The following DNAJC16 variants were observed in gnomAD, a reference collection of about 807,000 sequenced individuals.
DNAJC16 encodes dnaJ homolog subfamily C member 16.
Under a neutral mutation model 92.7 loss-of-function variants are expected in DNAJC16, and 76 were observed. The observed-to-expected ratio is 0.82, with a 90% CI of 0.68 to 0.99. The LOEUF (loss-of-function observed/expected upper bound fraction) is 0.99, where lower values mean the gene tolerates loss of function less well. DNAJC16 is among the 50% of genes least tolerant of loss of function. The pLI is 0.00. For synonymous variants in DNAJC16, 328 were observed against 358.7 expected (o/e 0.91, Z 0.97); for missense variants, 869 against 942.4 (o/e 0.92, Z 1.02).
At chr1:15,533,572 G>A (rs747884637) in intron 2 of DNAJC16, among the ~76,000 whole-genome samples, 1 of 152,122 alleles carries the variant, frequency 6.6e-6, no homozygotes, top group Non-Finnish European at 1.5e-5. Context: ...AGGTTGCAGT[G>A]CGCCAAGATT....
At chr1:15,565,463 T>G (rs1638786769) in intron 11 of DNAJC16, 1 of 178,854 alleles carries the variant, frequency 5.6e-6, no homozygotes, top group African/African-American at 2.4e-5. Flanking sequence ...GGTAGGTACA[T>G]AAAATTTCAG....
chr1:15,543,208 T>C (rs1307263166), intron 4 of DNAJC16, among the ~76,000 whole-genome samples: 11 of 152,158 alleles, frequency 7.2e-5, no homozygotes, highest in Admixed American at 7.2e-4. Context: ...CCTTAGAAGA[T>C]GGTAAACGCT....
At chr1:15,566,440 G>A (rs1638809395) in intron 13 of DNAJC16, 3 of 470,568 alleles carry the variant, frequency 6.4e-6, no homozygotes, top group Non-Finnish European at 7.6e-6. Flanking sequence ...GAAGCAGGAC[G>A]TGGTTTATCC....
chr1:15,533,338 G>A (rs757479212), intron 2 of DNAJC16, among the ~76,000 whole-genome samples: 6 of 152,148 alleles, frequency 3.9e-5, no homozygotes, highest in Non-Finnish European at 7.3e-5. Context: ...TAAACATGTG[G>A]CATTGAGGCC....
intron 2 of DNAJC16, among the ~76,000 whole-genome samples, chr1:15,529,808 C>CA (rs1433215010): frequency 6.6e-6 from 1 of 151,868 alleles, no homozygotes; most frequent in African/African-American, 2.4e-5. Context: ...CCAGAAATAC[C>CA]AAAGTCATTG....
At chr1:15,534,102 T>C in intron 2 of DNAJC16, 135 bp from the exon 3 acceptor site, 1 of 773,480 alleles carries the variant, frequency 1.3e-6, no homozygotes, top group East Asian at 2.8e-5. Flanking sequence ...ATTGCCTCTA[T>C]CATTTATTTT....
intron 7 of DNAJC16, among the ~76,000 whole-genome samples, chr1:15,553,779 C>T (rs112928969): frequency 2.6e-5 from 4 of 152,138 alleles, no homozygotes; most frequent in African/African-American, 4.8e-5. Context: ...AGCATAGATT[C>T]GTCTTTGCAT....
At chr1:15,547,320 C>G (rs7549087) in intron 6 of DNAJC16, among the ~76,000 whole-genome samples, 97,792 of 151,666 alleles carry the variant, frequency 0.64, 33,026 homozygotes, top group African/African-American at 0.85. Flanking sequence ...GCTAACGTTT[C>G]TATTTTTAGT....
chr1:15,567,437 T>C (rs556853026), intron 14 of DNAJC16, among the ~76,000 whole-genome samples, 168 bp downstream of exon 14: 1 of 152,332 alleles, frequency 6.6e-6, no homozygotes, highest in South Asian at 2.1e-4. Flanking sequence ...CAGGGACCTC[T>C]TTTCCCACTT....
In DNAJC16 at chr1:15,569,324, T is replaced by G. The variant is rs1638893734; in HGVS notation, c.*1147T>G. 6.6e-6 allele frequency: 1 copy of G among 152,214 alleles called. No homozygotes were observed. The highest frequency in any genetic ancestry group is 2.4e-5 in the African/African-American group (1 of 41,456). 9.4% of individuals were successfully genotyped at this position (152,214 alleles called of 1,614,324 possible). ...TTTTGCAAAAGGCTTACTTTCCACTTCTGGGCTGTATTTTGATGTCTCATC... is the reference window on the plus strand; with the variant it reads ...TTTTGCAAAAGGCTTACTTTCCACTGCTGGGCTGTATTTTGATGTCTCATC... On this transcript the variant is annotated 3_prime_UTR_variant, in exon 15 of 15. Transcript: ENST00000375847.
intron 7 of DNAJC16, among the ~76,000 whole-genome samples, chr1:15,550,733 A>G (rs1638424384): frequency 6.6e-6 from 1 of 152,242 alleles, no homozygotes; most frequent in Non-Finnish European, 1.5e-5. Flanking sequence ...CACTGATAGT[A>G]CCAAAGCAGT....
chr1:15,555,753 C>T (rs1280187515), intron 7 of DNAJC16, among the ~76,000 whole-genome samples: 7 of 149,192 alleles, frequency 4.7e-5, no homozygotes, highest in Non-Finnish European at 1.0e-4. Flanking sequence ...TTTGGGAGGC[C>T]AAGTCGGGTG....
chr1:15,568,692 A>C lies in DNAJC16; in HGVS notation c.*515A>C, dbSNP rs896495018. ...CTGGAAAAAGGCCCCTTTCCAAGCA[A>C]TCTCACGTTTACTGGTTGTTCTGGG... On this transcript the variant is annotated 3_prime_UTR_variant, in exon 15 of 15. Transcript: ENST00000375847. 3 of 399,230 alleles carry C rather than the reference A, an allele frequency of 7.5e-6. No individual in the cohort carries two copies. The highest frequency in any genetic ancestry group is 8.8e-6 in the Non-Finnish European group (2 of 226,532). The allele number at this position is 399,230 out of a possible 1,614,324, so 24.7% of individuals were successfully genotyped here.
At chr1:15,534,426 T>G in intron 3 of DNAJC16, 123 bp downstream of exon 3, 1 of 998,120 alleles carries the variant, frequency 1.0e-6, no homozygotes, top group Non-Finnish European at 1.5e-6. Context: ...GTTTCTAGAT[T>G]ATAATAGAGA....
chr1:15,537,738 A>G (rs111838830), intron 4 of DNAJC16, among the ~76,000 whole-genome samples: 1,746 of 152,280 alleles, frequency 0.011, 39 homozygotes, highest in African/African-American at 0.039. Flanking sequence ...AGGAGAGACT[A>G]TTATTATCTC....
At chr1:15,553,740 C>T (rs962815290) in intron 7 of DNAJC16, among the ~76,000 whole-genome samples, 1 of 152,146 alleles carries the variant, frequency 6.6e-6, no homozygotes, top group Non-Finnish European at 1.5e-5. Context: ...ACCTCCTTCC[C>T]AAAGGTCAGC....
In DNAJC16 at chr1:15,559,617, A is replaced by G. The variant is rs746127431; in HGVS notation, c.1115A>G (p.His372Arg). 8.1e-6 allele frequency: 13 copies of G among 1,614,078 alleles called. No homozygotes were observed. Among genetic ancestry groups the G allele is most frequent in the Admixed American group, 3.3e-5 (2 of 59,998 alleles). ...AGGCTCACCAGCCAGAAGTTGTTCC[A>G]TGAACTCTGCCCTGTGAAACGGTCG... Reference protein sequence around the residue: ...AARLTSQKLFHELCPVKRSHR... With the variant: ...AARLTSQKLFRELCPVKRSHR... Residue 372 changes from histidine (H) to arginine (R), a missense_variant, in exon 8 of 15, where the codon CAT becomes CGT. Coordinates refer to ENST00000375847, the MANE Select transcript of DNAJC16 (RefSeq NM_015291.4).
intron 7 of DNAJC16, among the ~76,000 whole-genome samples, chr1:15,556,182 G>GT (rs1447755550): frequency 2.1e-5 from 3 of 139,804 alleles, no homozygotes; most frequent in East Asian, 2.1e-4. Context: ...TCTTTTTGTT[G>GT]TTTTTTCTGT....
chr1:15,558,154 A>G (rs537079550), intron 7 of DNAJC16, among the ~76,000 whole-genome samples: 1 of 146,560 alleles, frequency 6.8e-6, no homozygotes, highest in South Asian at 2.2e-4. Context: ...TACAGGCATG[A>G]GCCACCATAC....
Sources: gnomAD v4.1 joint callset for allele counts (sites outside exome capture counted in the v4.1 genomes callset) on GRCh38, gnomAD v4.1.1 for gene constraint, MANE v1.5 for transcripts, NCBI Gene and HGNC (gene_info 2026-07-23, HGNC 2026-07-21) for gene names.